The following AGBL1 variants were observed in gnomAD, a reference collection of about 807,000 sequenced individuals.
AGBL1 encodes the protein AGBL carboxypeptidase 1.
Under a neutral mutation model 118.9 loss-of-function variants are expected in AGBL1, and 130 were observed. The observed-to-expected ratio is 1.09, with a 90% CI of 0.95 to 1.26. The LOEUF (loss-of-function observed/expected upper bound fraction) is 1.26. Ranked by LOEUF, AGBL1 falls within the 50% of genes most tolerant of loss-of-function variation. The pLI is 0.00. For missense variants in AGBL1, 1,584 were observed against 1,298.1 expected (o/e 1.22, Z -3.38); for synonymous variants, 555 against 478.9 (o/e 1.16, Z -2.08).
Position 86,912,542 on chromosome 15 carries a change from A to C in AGBL1, c.*5248A>C, listed in dbSNP as rs1192025852. 3.9e-5 allele frequency: 6 copies of C among 152,088 alleles called. No individual in the cohort carries two copies. Among genetic ancestry groups the C allele is most frequent in the Non-Finnish European group, 8.8e-5 (6 of 68,042 alleles). The allele number at this position is 152,088 out of a possible 1,614,324, so 9.4% of individuals were successfully genotyped here. A position where few individuals can be genotyped will look rare whatever the true frequency, so the allele number is the denominator to read the frequency against. On this transcript the variant is annotated 3_prime_UTR_variant, in exon 23 of 23. Coordinates refer to ENST00000614907, the MANE Select transcript of AGBL1 (RefSeq NM_001386094.1). ...AGAAAGAGGATTCAGAGCCACCAAG[A>C]ATATTTGAAATTAACCTGCTCCCTG... is the stretch of plus-strand genomic sequence containing the variant.
intron 17 of AGBL1, among the ~76,000 whole-genome samples, chr15:86,352,501 G>T (rs1464583031): frequency 6.6e-6 from 1 of 150,888 alleles, no homozygotes; most frequent in African/African-American, 2.4e-5. Context: ...TTTTGGAATG[G>T]AGTCTTGGTC....
At chr15:86,574,403 G>T (rs1403470884) in intron 21 of AGBL1, among the ~76,000 whole-genome samples, 3 of 152,058 alleles carry the variant, frequency 2.0e-5, no homozygotes, top group Non-Finnish European at 4.4e-5. Context: ...AAAGAAGAAG[G>T]TCCTTTTAGG....
intron 1 of AGBL1, among the ~76,000 whole-genome samples, chr15:86,082,314 G>A (rs1479134814): frequency 6.6e-6 from 1 of 152,216 alleles, no homozygotes; most frequent in Non-Finnish European, 1.5e-5. Context: ...TCTCAGTTGG[G>A]GATCCCAAAG....
chr15:86,999,301 A>T (rs964956876), intron 24 of AGBL1, among the ~76,000 whole-genome samples: 1 of 151,368 alleles, frequency 6.6e-6, no homozygotes, highest in Non-Finnish European at 1.5e-5. Context: ...TACATGTGCC[A>T]TGCTGGTGCG....
chr15:86,935,440 G>T (rs966440706), intron 23 of AGBL1, among the ~76,000 whole-genome samples: 2 of 152,178 alleles, frequency 1.3e-5, no homozygotes, highest in African/African-American at 4.8e-5. Context: ...CAAATTCTAG[G>T]CTAGGAGGCA....
intron 18 of AGBL1, among the ~76,000 whole-genome samples, chr15:86,416,288 A>C (rs1330906180): frequency 6.6e-6 from 1 of 152,210 alleles, no homozygotes; most frequent in Non-Finnish European, 1.5e-5. Context: ...ATGTCAAGAG[A>C]TTTGATGCTA....
chr15:86,085,001 A>T (rs541592161), intron 1 of AGBL1, among the ~76,000 whole-genome samples: 28 of 152,354 alleles, frequency 1.8e-4, no homozygotes, highest in African/African-American at 6.7e-4. Context: ...AAGAAGTGGT[A>T]AGCATATTGG....
intron 5 of AGBL1, among the ~76,000 whole-genome samples, chr15:86,211,523 T>G (rs914364103): frequency 1.3e-5 from 2 of 152,196 alleles, no homozygotes; most frequent in Non-Finnish European, 2.9e-5. Context: ...CCACTTTGTT[T>G]ACCCACTCAA....
intron 18 of AGBL1, among the ~76,000 whole-genome samples, chr15:86,472,814 G>T (rs2082496145): frequency 6.6e-6 from 1 of 152,154 alleles, no homozygotes; most frequent in Non-Finnish European, 1.5e-5. Context: ...AGCTACTTGG[G>T]AGGCTGAGGC....
intron 17 of AGBL1, among the ~76,000 whole-genome samples, chr15:86,342,140 A>G (rs1385619922): frequency 1.3e-5 from 2 of 152,116 alleles, no homozygotes; most frequent in East Asian, 3.9e-4. Context: ...CTTGTTATCT[A>G]ACATCCTTTT....
At chr15:87,030,160 T>C (rs1197453879), downstream of AGBL1, among the ~76,000 whole-genome samples, 1 of 151,996 alleles carries the variant, frequency 6.6e-6, no homozygotes, top group Admixed American at 6.6e-5. Flanking sequence ...CTATTACCAC[T>C]ATTACTTTAT....
chr15:86,952,523 T>A (rs1368934285), intron 23 of AGBL1, among the ~76,000 whole-genome samples: 3 of 152,210 alleles, frequency 2.0e-5, no homozygotes, highest in Non-Finnish European at 2.9e-5. Flanking sequence ...GCCCATTTTT[T>A]AAATGAGGTT....
At chr15:86,993,203 C>T (rs2081350016) in intron 24 of AGBL1, among the ~76,000 whole-genome samples, 1 of 152,158 alleles carries the variant, frequency 6.6e-6, no homozygotes, top group South Asian at 2.1e-4. Flanking sequence ...AGACACAGTT[C>T]ACTTAATATG....
chr15:86,755,746 G>A (rs898954374), intron 22 of AGBL1, among the ~76,000 whole-genome samples: 8 of 152,050 alleles, frequency 5.3e-5, no homozygotes, highest in African/African-American at 1.9e-4. Context: ...TTTCATTTTA[G>A]TTCTTCCCAG....
intron 15 of AGBL1, among the ~76,000 whole-genome samples, chr15:86,275,290 T>C (rs1286258854): frequency 6.6e-6 from 1 of 152,206 alleles, no homozygotes; most frequent in Non-Finnish European, 1.5e-5. Context: ...CTCATGAAGA[T>C]GAATGTCATA....
At chr15:86,940,713 A>C (rs1251653101) in intron 23 of AGBL1, among the ~76,000 whole-genome samples, 1 of 152,224 alleles carries the variant, frequency 6.6e-6, no homozygotes, top group African/African-American at 2.4e-5. Context: ...CAAATTTCCC[A>C]AACAGGCCAG....
chr15:86,144,215 G>T (rs1464122348), intron 3 of AGBL1, among the ~76,000 whole-genome samples: 1 of 152,320 alleles, frequency 6.6e-6, no homozygotes. Context: ...ATACACTGTT[G>T]GTGGGAGTAT....
chr15:86,557,133 A>C (rs749028991), intron 21 of AGBL1, among the ~76,000 whole-genome samples: 2 of 152,182 alleles, frequency 1.3e-5, no homozygotes, highest in African/African-American at 2.4e-5. Flanking sequence ...TAGGTCATAC[A>C]CTTAGATCTA....
At chr15:86,294,211 A>C (rs1299247567) in intron 16 of AGBL1, among the ~76,000 whole-genome samples, 4 of 152,038 alleles carry the variant, frequency 2.6e-5, no homozygotes, top group Non-Finnish European at 5.9e-5. Flanking sequence ...CAGCCTGGCC[A>C]ATATGGCAAA....
Sources: gnomAD v4.1 joint callset for allele counts (sites outside exome capture counted in the v4.1 genomes callset) on GRCh38, gnomAD v4.1.1 for gene constraint, MANE v1.5 for transcripts, NCBI Gene and HGNC (gene_info 2026-07-23, HGNC 2026-07-21) for gene names.